Variants in TNR observed in about 807,000 individuals in gnomAD.
TNR encodes tenascin-R.
TNR carries 45 observed loss-of-function variants against 150.4 expected under a neutral mutation model. The observed-to-expected ratio is 0.30, with a 90% confidence interval of 0.24 to 0.38. The LOEUF (loss-of-function observed/expected upper bound fraction) is 0.38, where lower values mean the gene tolerates loss of function less well. TNR is among the 10% of genes least tolerant of loss of function. The probability of loss-of-function intolerance (pLI) is 1.00; values close to 1 mark genes in which losing one functional copy is unlikely to be tolerated. For synonymous variants in TNR, 687 were observed against 678.4 expected (o/e 1.01, Z -0.20); for missense variants, 1,544 against 1,759.1 (o/e 0.88, Z 2.19).
intron 1 of TNR, among the ~76,000 whole-genome samples, chr1:175,730,449 C>T (rs543690453): frequency 6.6e-5 from 10 of 152,314 alleles, no homozygotes; most frequent in African/African-American, 2.2e-4. Flanking sequence ...ATTGGGAGAT[C>T]CTCAAAGACA....
intron 1 of TNR, among the ~76,000 whole-genome samples, chr1:175,641,678 A>T (rs1664665545): frequency 6.6e-6 from 1 of 152,202 alleles, no homozygotes; most frequent in African/African-American, 2.4e-5. Flanking sequence ...CTGGAATAAA[A>T]AAGTACTTTT....
intron 1 of TNR, among the ~76,000 whole-genome samples, chr1:175,593,449 A>T (rs544074544): frequency 1.1e-3 from 167 of 151,670 alleles, no homozygotes; most frequent in Non-Finnish European, 1.7e-3. Context: ...GAATATAGAG[A>T]CCCCTCTTAT....
intron 4 of TNR, among the ~76,000 whole-genome samples, chr1:175,401,292 G>T (rs1189169403): frequency 4.6e-5 from 7 of 152,170 alleles, no homozygotes; most frequent in Non-Finnish European, 1.0e-4. Flanking sequence ...CTACTAAGAA[G>T]CATGTGCGCT....
chr1:175,652,186 T>C, intron 1 of TNR, among the ~76,000 whole-genome samples: 1 of 148,134 alleles, frequency 6.8e-6, no homozygotes, highest in East Asian at 1.9e-4. Context: ...TAATGTAATA[T>C]ATTATCATAT....
chr1:175,331,865 A>C (rs1409572281), intron 20 of TNR, among the ~76,000 whole-genome samples: 3 of 152,172 alleles, frequency 2.0e-5, no homozygotes, highest in African/African-American at 7.2e-5. Context: ...AAGAGAGGTG[A>C]AATGATTGGC....
At chr1:175,604,061 G>A (rs1663334963) in intron 1 of TNR, among the ~76,000 whole-genome samples, 1 of 152,092 alleles carries the variant, frequency 6.6e-6, no homozygotes, top group African/African-American at 2.4e-5. Context: ...TACTTTCTTA[G>A]TTGAAAAAGC....
At chr1:175,671,836 C>T (rs539479757) in intron 1 of TNR, among the ~76,000 whole-genome samples, 1 of 151,970 alleles carries the variant, frequency 6.6e-6, no homozygotes, top group East Asian at 1.9e-4. Context: ...AACATAATTA[C>T]TCGGGCAGCC....
chr1:175,663,682 G>A (rs1665447516), intron 1 of TNR, among the ~76,000 whole-genome samples: 1 of 152,202 alleles, frequency 6.6e-6, no homozygotes, highest in South Asian at 2.1e-4. Context: ...GTTAGATTAT[G>A]GATCTCAAGC....
Position 175,403,299 on chromosome 1 carries a change from TC to T in TNR, c.816del (p.Lys273ArgfsTer26). The T allele has an allele frequency of 6.2e-7, 1 of 1,613,882 alleles. No homozygotes were observed. The highest frequency in any genetic ancestry group is 8.5e-7 in the Non-Finnish European group (1 of 1,179,978). ...RELRCPGDCS[G>X]KGRCANGTCL... is the part of the protein sequence containing the mutation. ...CAGGTACCGTTGGCACATCTCCCCT[TC>T]CCCGAACAGTCCCCAGGGCACCTCA... On this transcript the variant is annotated frameshift_variant, in exon 4 of 23. Transcript: ENST00000367674. LOFTEE classifies it high-confidence loss of function.
intron 1 of TNR, among the ~76,000 whole-genome samples, chr1:175,636,807 C>G (rs1272901388): frequency 6.6e-6 from 1 of 152,186 alleles, no homozygotes; most frequent in Non-Finnish European, 1.5e-5. Flanking sequence ...TAGGTCCATG[C>G]TAGGTCTTTA....
chr1:175,475,534 A>G (rs1571494029), intron 2 of TNR, among the ~76,000 whole-genome samples: 2 of 152,358 alleles, frequency 1.3e-5, no homozygotes, highest in African/African-American at 2.4e-5. Flanking sequence ...CCATTACTGG[A>G]AATTTCTGCT....
At chr1:175,467,478 G>T (rs75504663) in intron 2 of TNR, among the ~76,000 whole-genome samples, 8,262 of 152,294 alleles carry the variant, frequency 0.054, 299 homozygotes, top group Non-Finnish European at 0.08. Context: ...GAGGACAGAA[G>T]AATTAGGCAA....
At chr1:175,622,229 A>G (rs1460920553) in intron 1 of TNR, among the ~76,000 whole-genome samples, 1 of 152,234 alleles carries the variant, frequency 6.6e-6, no homozygotes, top group Non-Finnish European at 1.5e-5. Context: ...CTGTAGGCAA[A>G]AAAGCCTTAC....
At chr1:175,689,537 G>A (rs144536828) in intron 1 of TNR, among the ~76,000 whole-genome samples, 11 of 152,268 alleles carry the variant, frequency 7.2e-5, no homozygotes, top group African/African-American at 2.4e-4. Context: ...CCTTGAATGC[G>A]TGTCTTCCTG....
intron 2 of TNR, among the ~76,000 whole-genome samples, chr1:175,421,405 G>A (rs1446109530): frequency 1.3e-5 from 2 of 152,124 alleles, no homozygotes; most frequent in Non-Finnish European, 2.9e-5. Flanking sequence ...GCATTCCCCT[G>A]CTCCCCTGCT....
chr1:175,374,986 C>T (rs1394812016), intron 9 of TNR, among the ~76,000 whole-genome samples: 4 of 152,182 alleles, frequency 2.6e-5, no homozygotes, highest in Non-Finnish European at 5.9e-5. Context: ...CAACCACATG[C>T]CTTTTTGATG....
At chr1:175,512,498 C>T (rs1301673883) in intron 2 of TNR, among the ~76,000 whole-genome samples, 2 of 152,206 alleles carry the variant, frequency 1.3e-5, no homozygotes, top group African/African-American at 2.4e-5. Flanking sequence ...TATCCTCCCT[C>T]CAACATATCC....
chr1:175,390,246 G>T (rs1302797562), intron 7 of TNR, among the ~76,000 whole-genome samples: 1 of 152,218 alleles, frequency 6.6e-6, no homozygotes, highest in Non-Finnish European at 1.5e-5. Context: ...TCATTACATT[G>T]TGTTGTGGTT....
chr1:175,742,963 TACAC>T (rs66777686), intron 1 of TNR, among the ~76,000 whole-genome samples: 512 of 146,970 alleles, frequency 3.5e-3, no homozygotes, highest in South Asian at 7.9e-3. Context: ...TATGCAACAG[TACAC>T]ACACACACAC....
Sources: allele counts gnomAD v4.1 joint callset (sites outside exome capture counted in the v4.1 genomes callset), GRCh38; gene constraint gnomAD v4.1.1; transcripts MANE v1.5; gene names NCBI Gene and HGNC (gene_info 2026-07-23, HGNC 2026-07-21).